Variants in SLC4A1 observed in about 807,000 individuals in gnomAD.
The protein encoded by SLC4A1 is solute carrier family 4 member 1 (Diego blood group).
In SLC4A1, 29 loss-of-function variants were observed where a neutral mutation model predicts 93.1. That is an observed-to-expected ratio of 0.31 (90% CI 0.23 to 0.42). SLC4A1 has a LOEUF of 0.42. SLC4A1 is among the 20% of genes least tolerant of loss of function. The pLI is 1.00. For synonymous variants in SLC4A1, 469 were observed against 497.2 expected (o/e 0.94, Z 0.76); for missense variants, 965 against 1,190.1 (o/e 0.81, Z 2.78).
In SLC4A1 at chr17:44,259,950, G is replaced by T; in HGVS notation, c.486-18C>A. 6.2e-7 allele frequency: 1 copy of T among 1,613,060 alleles called. No homozygotes were observed. On this transcript the variant is annotated intron_variant, in intron 6 of 19. Coordinates refer to ENST00000262418, the MANE Select transcript of SLC4A1 (RefSeq NM_000342.4). ...CAGCGTGGCTGCAGGACGTACAGGG[G>T]ACATGGGCTGAGTAAGCTGTTCAGG...
Position 44,250,220 on chromosome 17 carries a change from G to A in SLC4A1, c.*238C>T. On this transcript the variant is annotated 3_prime_UTR_variant, in exon 20 of 20. Coordinates refer to ENST00000262418, the MANE Select transcript of SLC4A1 (RefSeq NM_000342.4). ...CCCAGTGAAAGTGTGGCAACAGGAG[G>A]GACTGTGCAACAAACCCCCTAATGT... 1.9e-6 allele frequency: 1 copy of A among 518,356 alleles called. No individual in the cohort carries two copies. The highest frequency in any genetic ancestry group is 2.0e-5 in the South Asian group (1 of 49,458). The allele number at this position is 518,356 out of a possible 1,614,324, so 32.1% of individuals were successfully genotyped here. A position where few individuals can be genotyped will look rare whatever the true frequency, so the allele number is the denominator to read the frequency against.
intron 1 of SLC4A1, among the ~76,000 whole-genome samples, chr17:44,266,864 G>A (rs528954534): frequency 4.6e-5 from 7 of 152,258 alleles, no homozygotes; most frequent in East Asian, 3.9e-4. Context: ...GGGAAGACAC[G>A]GCGGGAGAGG....
At chr17:44,259,455 C>T (rs372758280) in intron 8 of SLC4A1, 42 bp downstream of exon 8, 39 of 1,601,706 alleles carry the variant, frequency 2.4e-5, no homozygotes, top group Non-Finnish European at 3.2e-5. Context: ...AGCCAAGACA[C>T]GAGGGGTGTG....
chr17:44,255,559 G>A, intron 14 of SLC4A1, 114 bp downstream of exon 14: 1 of 1,162,564 alleles, frequency 8.6e-7, no homozygotes, highest in Non-Finnish European at 1.3e-6. Flanking sequence ...TTGGAATTGG[G>A]AATGGGAATC....
chr17:44,250,105 C>G lies in SLC4A1; in HGVS notation c.*353G>C, dbSNP rs571581247. On this transcript the variant is annotated 3_prime_UTR_variant, in exon 20 of 20. Coordinates refer to ENST00000262418, the MANE Select transcript of SLC4A1 (RefSeq NM_000342.4). ...GCCCAAGGTCACACAGCAAGCACCCCACCCGCTCACCCACCTCCTGCCTTT... is the reference window on the plus strand; with the variant it reads ...GCCCAAGGTCACACAGCAAGCACCCGACCCGCTCACCCACCTCCTGCCTTT... The G allele has an allele frequency of 8.4e-4, 282 of 335,638 alleles. 1 individual carries two copies. The highest frequency in any genetic ancestry group is 1.2e-3 in the Admixed American group (31 of 25,106). The allele number at this position is 335,638 out of a possible 1,614,324, so 20.8% of individuals were successfully genotyped here. A position where few individuals can be genotyped will look rare whatever the true frequency, so the allele number is the denominator to read the frequency against.
At chr17:44,252,029 G>A (rs1346159765) in intron 17 of SLC4A1, among the ~76,000 whole-genome samples, 1 of 147,180 alleles carries the variant, frequency 6.8e-6, no homozygotes, top group Non-Finnish European at 1.5e-5. Flanking sequence ...CGCCTGGCCT[G>A]GAGCTATTCC....
chr17:44,254,469 A>AACCCC, intron 16 of SLC4A1, 27 bp downstream of exon 16: 7 of 665,382 alleles, frequency 1.1e-5, no homozygotes, highest in Non-Finnish European at 1.9e-5. Flanking sequence ...CCACCCTCCC[A>AACCCC]GGCCCAGCCC....
Position 44,259,172 on chromosome 17 carries a change from C to T in SLC4A1, c.867G>A (p.Met289Ile), listed in dbSNP as rs1328998568. Residue 289 changes from methionine to isoleucine, a missense_variant, in exon 9 of 20, where the codon ATG (methionine) becomes ATA (isoleucine). Met to Ile is a conservative substitution (Grantham distance 10, BLOSUM62 1). Around this residue, in one of 2 missense-constraint regions of SLC4A1, gnomAD observed 770 missense variants for 1,006.6 expected, o/e 0.76. Transcript: ENST00000262418. ...TQLGRAAATL[M>I]SERVFRIDAY... ...TCCGGCCCTTCCTTACCCTCTCTGACATGAGGGTGGCAGCAGCCCGGCCAA... is the reference window on the plus strand; with the variant it reads ...TCCGGCCCTTCCTTACCCTCTCTGATATGAGGGTGGCAGCAGCCCGGCCAA... The T allele has an allele frequency of 6.2e-7, 1 of 1,613,996 alleles. No individual in the cohort carries two copies. The highest frequency in any genetic ancestry group is 1.1e-5 in the South Asian group (1 of 91,080).
intron 19 of SLC4A1, among the ~76,000 whole-genome samples, chr17:44,250,870 G>T (rs997393995): frequency 6.6e-6 from 1 of 152,130 alleles, no homozygotes; most frequent in African/African-American, 2.4e-5. Context: ...CTCGGAAGAC[G>T]GCAGGACTTG....
intron 3 of SLC4A1, 115 bp from the exon 4 acceptor site, chr17:44,261,751 C>T (rs1598302697): frequency 6.5e-7 from 1 of 1,540,242 alleles, no homozygotes; most frequent in Non-Finnish European, 8.7e-7. Context: ...CTTCCCAGTG[C>T]CCTGGGCTGG....
At position 44,262,834 on chromosome 17, in the gene SLC4A1, A is replaced by G; in HGVS notation, c.15+18T>C. On this transcript the variant is annotated intron_variant, in intron 2 of 19. Coordinates refer to ENST00000262418, the MANE Select transcript of SLC4A1 (RefSeq NM_000342.4). ...GAGCCTCCAGGTGGGAGCACTGCTG[A>G]TGCCAGGGAACACCCACCTGCAGCT... 1.9e-6 allele frequency: 3 copies of G among 1,613,560 alleles called. No homozygotes were observed. Among genetic ancestry groups the G allele is most frequent in the East Asian group, 2.2e-5 (1 of 44,882 alleles).
rs944458639 is a variant in SLC4A1, at chr17:44,251,428, G to A, written c.2472C>T (p.Tyr824=). 5.6e-6 allele frequency: 9 copies of A among 1,614,118 alleles called. No individual in the cohort carries two copies. The East Asian group carries it at 1.1e-4, about 20-fold the overall frequency. Reference sequence around the variant, plus strand: ...GAAAAGGGTCCTGTACCCGCTTGACGTAGGGCACATCTGGGTGATACTTGG... The same window carrying A: ...GAAAAGGGTCCTGTACCCGCTTGACATAGGGCACATCTGGGTGATACTTGG... The part of the protein sequence containing the change: ...KPPKYHPDVP[Y]VKRVKTWRMH... Residue 824 remains tyrosine (Y), a synonymous_variant, in exon 18 of 20, where the codon TAC becomes TAT. Transcript: ENST00000262418.
At chr17:44,253,515 C>A in intron 16 of SLC4A1, 144 bp from the exon 17 acceptor site, 1 of 1,027,242 alleles carries the variant, frequency 9.7e-7, no homozygotes, top group African/African-American at 1.6e-5. Context: ...CCCTCCCTCC[C>A]GCCCCATCTT....
rs2047410289 is a variant in SLC4A1 at position 44,258,445 on chromosome 17, G to A, written c.1055C>T (p.Ala352Val). ...CTTGTAGAAGCTGGAGTCTGGCTTG[G>A]CAGGGCTGGACTGATAGCGCCTTCG... ...LLRRRYQSSP[A>V]KPDSSFYKGL... Residue 352 changes from alanine to valine, a missense_variant, in exon 10 of 20, where the codon GCC (alanine) becomes GTC (valine). This residue lies in a region of SLC4A1 where 770 missense variants were observed against 1,006.6 expected (regional missense o/e 0.76). Transcript: ENST00000262418. The surrounding 1 kb of genome is among the most constrained non-coding windows in gnomAD (Gnocchi z 6.1). The A allele has an allele frequency of 6.2e-7, 1 of 1,613,914 alleles. No individual in the cohort carries two copies. Among genetic ancestry groups the A allele is most frequent in the Non-Finnish European group, 8.5e-7 (1 of 1,179,984 alleles).
At chr17:44,255,915 AACTCTACCCAGCACT>A (rs2047385177) in intron 13 of SLC4A1, 69 bp from the exon 14 acceptor site, 2 of 1,423,966 alleles carry the variant, frequency 1.4e-6, no homozygotes, top group Admixed American at 3.3e-5. Flanking sequence ...ACCACCAGCT[AACTCTACCCAGCACT>A]ACTATCCATT....
Position 44,258,253 on chromosome 17 carries a change from T to C in SLC4A1, c.1088-73A>G. ...TGAGGGGAAAGGGGACTGGAGGGTG[T>C]AGGGGAGATTGTCTGATGGGAATGG... On this transcript the variant is annotated intron_variant, in intron 10 of 19. Transcript: ENST00000262418. This position sits in a 1 kb window ranked among gnomAD's most constrained non-coding sequence, Gnocchi z 6.1. 4 of 1,490,586 alleles carry C rather than the reference T, an allele frequency of 2.7e-6. No homozygotes were observed. The South Asian group carries it at 4.5e-5, about 17-fold the overall frequency. 92.3% of individuals were successfully genotyped at this position (1,490,586 alleles called of 1,614,324 possible).
chr17:44,256,643 C>T (rs1358664819), intron 13 of SLC4A1, among the ~76,000 whole-genome samples: 1 of 152,220 alleles, frequency 6.6e-6, no homozygotes, highest in Non-Finnish European at 1.5e-5. Flanking sequence ...CAGAGTCCCC[C>T]CAGCTCTCAC....
intron 6 of SLC4A1, 24 bp from the exon 7 acceptor site, chr17:44,259,956 G>C: frequency 6.2e-7 from 1 of 1,612,726 alleles, no homozygotes; most frequent in Non-Finnish European, 8.5e-7. Context: ...AGGGGACATG[G>C]GCTGAGTAAG....
At chr17:44,262,101 A>G in intron 3 of SLC4A1, 1 of 688,910 alleles carries the variant, frequency 1.5e-6, no homozygotes, top group Non-Finnish European at 1.7e-6. Context: ...TTATATTCCC[A>G]CCCCTCCCAC....
Sources: gnomAD v4.1 joint callset for allele counts (sites outside exome capture counted in the v4.1 genomes callset) on GRCh38, gnomAD v4.1.1 for gene constraint, gnomAD v4.1.1 regional missense constraint, Gnocchi (gnomAD v3.1) non-coding constraint, MANE v1.5 for transcripts, NCBI Gene and HGNC (gene_info 2026-07-23, HGNC 2026-07-21) for gene names.